The following FAM53B variants were observed in gnomAD, a reference collection of about 807,000 sequenced individuals.
FAM53B encodes the protein family with sequence similarity 53 member B, also known as protein FAM53B.
A neutral mutation model predicts 32.7 loss-of-function variants in FAM53B; 12 were observed. The observed-to-expected ratio is 0.37, with a 90% confidence interval of 0.24 to 0.59. The LOEUF (loss-of-function observed/expected upper bound fraction) is 0.59. FAM53B is among the 20% of genes least tolerant of loss of function. The probability of loss-of-function intolerance (pLI) is 0.72; values close to 1 mark genes in which losing one functional copy is unlikely to be tolerated. For missense variants in FAM53B, 477 were observed against 577.7 expected (o/e 0.83, Z 1.79); for synonymous variants, 234 against 228.7 (o/e 1.02, Z -0.21).
intron 1 of FAM53B, among the ~76,000 whole-genome samples, chr10:124,717,921 A>T (rs1589762593): frequency 6.6e-6 from 1 of 151,296 alleles, no homozygotes; most frequent in Admixed American, 6.6e-5. Context: ...AGGACAATCC[A>T]CCCCCAGCCC....
intron 4 of FAM53B, among the ~76,000 whole-genome samples, chr10:124,679,591 G>A (rs1235157108): frequency 6.6e-6 from 1 of 152,238 alleles, no homozygotes; most frequent in Non-Finnish European, 1.5e-5. Context: ...CAGCGTCCAC[G>A]GGCCCAGCCT....
chr10:124,640,911 G>A (rs1048986534), intron 4 of FAM53B, among the ~76,000 whole-genome samples: 1 of 152,254 alleles, frequency 6.6e-6, no homozygotes, highest in African/African-American at 2.4e-5. Context: ...CAGAGGGCAC[G>A]CCCCGCTGAC....
rs150384040 is a variant in FAM53B, at chr10:124,732,685, C to G, written c.-175+11328G>C. Among the ~76,000 whole-genome samples the G allele has an allele frequency of 3.3e-3, 501 of 152,212 alleles. 3 individuals carry two copies. The highest frequency in any genetic ancestry group is 0.01 in the African/African-American group (433 of 41,506). On this transcript the variant is annotated intron_variant, in intron 1 of 4. Transcript: ENST00000337318. Reference sequence around the variant, plus strand: ...ACCAGTCTGGCCAACATGGTGAAACCCCGTCTCTACTAAAAATACAAAAAT... The same window carrying G: ...ACCAGTCTGGCCAACATGGTGAAACGCCGTCTCTACTAAAAATACAAAAAT...
rs971489669 is a variant in FAM53B, at chr10:124,660,953, T to C, written c.906+20654A>G. 2.0e-5 allele frequency among the ~76,000 whole-genome samples: 3 copies of C among 151,164 alleles called. No individual in the cohort carries two copies. The Admixed American group carries it at 2.0e-4, about 10-fold the overall frequency. ...GGCAATCACTACATATTGGGTACAA[T>C]GTACACTACTTGAGTGACAGGTGCA... On this transcript the variant is annotated intron_variant, in intron 4 of 4. Coordinates refer to ENST00000337318, the MANE Select transcript of FAM53B (RefSeq NM_014661.4).
In FAM53B at chr10:124,744,275, G is replaced by C. The variant is rs1184355716; in HGVS notation, c.-437C>G. ...CGCCAGACCGCGGCTGCGTGAACTCGGCCCGGCGCTTAGCGGGCGGTGTCG... is the reference window on the plus strand; with the variant it reads ...CGCCAGACCGCGGCTGCGTGAACTCCGCCCGGCGCTTAGCGGGCGGTGTCG... On this transcript the variant is annotated 5_prime_UTR_variant, in exon 1 of 5. Transcript: ENST00000337318. The C allele has an allele frequency of 3.4e-5, 5 of 147,488 alleles. No homozygotes were observed. Among genetic ancestry groups the C allele is most frequent in the Non-Finnish European group, 3.0e-5 (2 of 66,018 alleles). 9.1% of individuals were successfully genotyped at this position (147,488 alleles called of 1,614,324 possible).
At chr10:124,740,133 T>C (rs1253876752) in intron 1 of FAM53B, among the ~76,000 whole-genome samples, 1 of 152,182 alleles carries the variant, frequency 6.6e-6, no homozygotes, top group Non-Finnish European at 1.5e-5. Context: ...CCTCCCATCC[T>C]AGCCAGCACA....
At chr10:124,692,401 T>G (rs530618552) in intron 3 of FAM53B, among the ~76,000 whole-genome samples, 14 of 152,060 alleles carry the variant, frequency 9.2e-5, no homozygotes, top group African/African-American at 2.9e-4. Flanking sequence ...TGCTTTTAAT[T>G]AAAATAAATA....
chr10:124,695,610 T>C (rs1020941293), intron 3 of FAM53B, among the ~76,000 whole-genome samples: 13 of 152,198 alleles, frequency 8.5e-5, no homozygotes, highest in Admixed American at 7.9e-4. Flanking sequence ...AGCCTAGATG[T>C]AGTTACATCA....
At chr10:124,647,132 G>C (rs943207373) in intron 4 of FAM53B, among the ~76,000 whole-genome samples, 2 of 152,230 alleles carry the variant, frequency 1.3e-5, no homozygotes, top group African/African-American at 4.8e-5. Flanking sequence ...GGGGCCGCAT[G>C]TGCTGATGGT....
rs143985551 is a variant in FAM53B at position 124,711,341 on chromosome 10, C to T, written c.-174-4454G>A. 1.8e-3 allele frequency among the ~76,000 whole-genome samples: 274 copies of T among 152,136 alleles called. 1 individual carries two copies. Among genetic ancestry groups the T allele is most frequent in the African/African-American group, 6.0e-3 (251 of 41,506 alleles). On this transcript the variant is annotated intron_variant, in intron 1 of 4. Transcript: ENST00000337318. The stretch of plus-strand genomic sequence containing the variant: ...GGCGTGGGAGCAGGAGGGAAATGGG[C>T]GTGGCTATGAAAAGACAGCGGGAGG...
chr10:124,675,353 G>A (rs537910841), intron 4 of FAM53B, among the ~76,000 whole-genome samples: 28 of 152,306 alleles, frequency 1.8e-4, no homozygotes, highest in African/African-American at 6.3e-4. Flanking sequence ...GCCAGCATGC[G>A]CCACAGCTGG....
chr10:124,679,297 G>A (rs565491375), intron 4 of FAM53B, among the ~76,000 whole-genome samples: 2 of 152,286 alleles, frequency 1.3e-5, no homozygotes, highest in East Asian at 3.9e-4. Flanking sequence ...CGCAGAGGCT[G>A]GGGTCTGTGG....
intron 3 of FAM53B, among the ~76,000 whole-genome samples, chr10:124,695,127 G>A (rs1466147335): frequency 6.6e-6 from 1 of 152,194 alleles, no homozygotes; most frequent in African/African-American, 2.4e-5. Context: ...AGGGAGGACC[G>A]AGAAGGAAAG....
intron 4 of FAM53B, among the ~76,000 whole-genome samples, chr10:124,633,246 G>T (rs79824661): frequency 7.4e-6 from 1 of 135,778 alleles, no homozygotes; most frequent in African/African-American, 2.9e-5. Context: ...AAAATTGATA[G>T]AAAAAAAAAA....
intron 1 of FAM53B, among the ~76,000 whole-genome samples, chr10:124,725,109 G>A (rs1180340821): frequency 6.6e-6 from 1 of 152,214 alleles, no homozygotes; most frequent in African/African-American, 2.4e-5. Flanking sequence ...GCCAGGCAAA[G>A]CCAAAGCCTG....
intron 1 of FAM53B, among the ~76,000 whole-genome samples, chr10:124,736,377 T>A (rs1950174304): frequency 6.6e-6 from 1 of 152,252 alleles, no homozygotes; most frequent in African/African-American, 2.4e-5. Flanking sequence ...CTTCCCCGCA[T>A]CCTGCACTCC....
chr10:124,629,335 A>G (rs1342922096), intron 4 of FAM53B, among the ~76,000 whole-genome samples: 1 of 152,136 alleles, frequency 6.6e-6, no homozygotes, highest in Non-Finnish European at 1.5e-5. Flanking sequence ...GCAAGCGAAG[A>G]CCACTTCCCT....
chr10:124,723,989 G>A (rs1261132470), intron 1 of FAM53B, among the ~76,000 whole-genome samples: 2 of 152,166 alleles, frequency 1.3e-5, no homozygotes, highest in Admixed American at 6.5e-5. Context: ...AGTCCAACAC[G>A]CACTAGGCTG....
At chr10:124,734,191 A>G (rs1446730608) in intron 1 of FAM53B, among the ~76,000 whole-genome samples, 1 of 152,248 alleles carries the variant, frequency 6.6e-6, no homozygotes, top group Non-Finnish European at 1.5e-5. Context: ...TCTAGCACAT[A>G]GTAGAACCTC....
Sources: gnomAD v4.1 joint callset for allele counts (sites outside exome capture counted in the v4.1 genomes callset) on GRCh38, gnomAD v4.1.1 for gene constraint, MANE v1.5 for transcripts, NCBI Gene and HGNC (gene_info 2026-07-23, HGNC 2026-07-21) for gene names.